Variants in PAPPA2 observed in about 807,000 individuals in gnomAD.
The protein encoded by PAPPA2 is pappalysin 2, also known as pappalysin-2.
Under a neutral mutation model 176.4 loss-of-function variants are expected in PAPPA2, and 86 were observed. The observed-to-expected ratio is 0.49, with a 90% CI of 0.41 to 0.58. PAPPA2 has a LOEUF of 0.58. Ranked by LOEUF, PAPPA2 falls within the 20% of genes least tolerant of loss-of-function variation. The probability of loss-of-function intolerance (pLI) is 0.00; values close to 1 mark genes in which losing one functional copy is unlikely to be tolerated. For missense variants in PAPPA2, 2,073 were observed against 2,256.9 expected (o/e 0.92, Z 1.65); for synonymous variants, 809 against 852.2 (o/e 0.95, Z 0.88).
chr1:176,663,616 A>G (rs1049482701), intron 3 of PAPPA2, among the ~76,000 whole-genome samples: 1 of 151,942 alleles, frequency 6.6e-6, no homozygotes. Context: ...CTTTATATTT[A>G]TATATTATTT....
chr1:176,609,781 C>T (rs1654808707), intron 3 of PAPPA2, among the ~76,000 whole-genome samples: 2 of 152,092 alleles, frequency 1.3e-5, no homozygotes, highest in South Asian at 4.1e-4. Flanking sequence ...GGCTAACTGC[C>T]CTGACTACCT....
At chr1:176,619,746 T>C (rs1655479246) in intron 3 of PAPPA2, among the ~76,000 whole-genome samples, 1 of 152,228 alleles carries the variant, frequency 6.6e-6, no homozygotes. Context: ...CTTTTTCATA[T>C]ACTTTTGAAT....
chr1:176,584,098 A>G (rs1222910793), intron 2 of PAPPA2, among the ~76,000 whole-genome samples: 1 of 152,166 alleles, frequency 6.6e-6, no homozygotes, highest in Non-Finnish European at 1.5e-5. Context: ...AATACTGGAG[A>G]ATGTTACATG....
intron 3 of PAPPA2, chr1:176,616,647 A>C: frequency 6.4e-7 from 1 of 1,569,884 alleles, no homozygotes; most frequent in South Asian, 1.1e-5. Flanking sequence ...TGCTTCACAT[A>C]CTCTTACTAT....
intron 1 of PAPPA2, among the ~76,000 whole-genome samples, chr1:176,512,123 A>G (rs938051737): frequency 1.3e-5 from 2 of 151,916 alleles, no homozygotes; most frequent in Admixed American, 1.3e-4. Flanking sequence ...ATAAGTGGCC[A>G]ATAAGCATGT....
chr1:176,553,369 C>A (rs559121650), intron 1 of PAPPA2: 1 of 110,606 alleles, frequency 9.0e-6, no homozygotes. Context: ...TGGTGTGTTG[C>A]GGGTATGGGG....
At chr1:176,502,043 G>T (rs1486838275) in intron 1 of PAPPA2, among the ~76,000 whole-genome samples, 1 of 152,144 alleles carries the variant, frequency 6.6e-6, no homozygotes, top group Non-Finnish European at 1.5e-5. Context: ...ATTAAGCCTG[G>T]AATAGCTCTT....
chr1:176,753,554 CTTTTTTTT>C (rs77817405), intron 14 of PAPPA2, among the ~76,000 whole-genome samples: 3 of 73,498 alleles, frequency 4.1e-5, no homozygotes, highest in African/African-American at 2.0e-4. Flanking sequence ...AAGGCTCCTC[CTTTTTTTT>C]TTTTTTTTTT....
chr1:176,745,673 A>G (rs1662873272), intron 14 of PAPPA2, among the ~76,000 whole-genome samples: 1 of 152,232 alleles, frequency 6.6e-6, no homozygotes, highest in Non-Finnish European at 1.5e-5. Flanking sequence ...CATTACTTTT[A>G]TGAGTGATAG....
chr1:176,576,571 C>T (rs1652657698), intron 2 of PAPPA2, among the ~76,000 whole-genome samples: 1 of 151,872 alleles, frequency 6.6e-6, no homozygotes, highest in Admixed American at 6.6e-5. Flanking sequence ...TGTATTGAGC[C>T]ACTAGATAAG....
chr1:176,779,237 C>T (rs1292943769), intron 17 of PAPPA2, among the ~76,000 whole-genome samples: 1 of 151,896 alleles, frequency 6.6e-6, no homozygotes, highest in Non-Finnish European at 1.5e-5. Flanking sequence ...GTAACTTCAC[C>T]CCCTGCTGCT....
intron 3 of PAPPA2, among the ~76,000 whole-genome samples, chr1:176,612,059 A>C (rs1243108504): frequency 6.6e-6 from 1 of 152,194 alleles, no homozygotes; most frequent in Non-Finnish European, 1.5e-5. Flanking sequence ...CAAGAATTTA[A>C]TATAAGAAAT....
At chr1:176,818,774 T>C (rs937366354) in intron 21 of PAPPA2, among the ~76,000 whole-genome samples, 22 of 152,294 alleles carry the variant, frequency 1.4e-4, no homozygotes, top group African/African-American at 5.3e-4. Flanking sequence ...TGAAGCCCTG[T>C]GGCAATTCCC....
chr1:176,581,889 T>C (rs1652990441), intron 2 of PAPPA2, among the ~76,000 whole-genome samples: 1 of 150,722 alleles, frequency 6.6e-6, no homozygotes, highest in South Asian at 2.1e-4. Flanking sequence ...GTGGAGTCTT[T>C]AGATTTTTCT....
At chr1:176,484,930 G>A (rs1432608392) in intron 1 of PAPPA2, among the ~76,000 whole-genome samples, 3 of 152,130 alleles carry the variant, frequency 2.0e-5, no homozygotes, top group African/African-American at 7.2e-5. Context: ...TTTCTATGGC[G>A]GTTTCTGCTC....
In PAPPA2 at chr1:176,476,709, G is replaced by A. The variant is rs190051180; in HGVS notation, c.-917+13291G>A. 7.2e-5 allele frequency among the ~76,000 whole-genome samples: 11 copies of A among 152,262 alleles called. No individual in the cohort carries two copies. In the East Asian group the frequency reaches 2.1e-3, roughly 29 times the overall value. On this transcript the variant is annotated intron_variant, in intron 1 of 22. Transcript: ENST00000367662. ...GCTCAACTGCCAGTTTTGGAACCAT[G>A]ACTAGGATGATTTTATCAGCATCAT... is the stretch of plus-strand genomic sequence containing the variant.
At chr1:176,503,897 G>A (rs1241893354) in intron 1 of PAPPA2, among the ~76,000 whole-genome samples, 1 of 152,114 alleles carries the variant, frequency 6.6e-6, no homozygotes, top group Non-Finnish European at 1.5e-5. Context: ...ATTAAGCTCT[G>A]TTTTATTTCT....
chr1:176,582,849 G>A (rs972555587), intron 2 of PAPPA2, among the ~76,000 whole-genome samples: 12 of 152,234 alleles, frequency 7.9e-5, no homozygotes, highest in Admixed American at 5.2e-4. Context: ...GTTATTTAAA[G>A]TTTTGTTTGA....
At chr1:176,696,638 C>G (rs1316504946) in intron 7 of PAPPA2, among the ~76,000 whole-genome samples, 2 of 152,164 alleles carry the variant, frequency 1.3e-5, no homozygotes, top group East Asian at 3.8e-4. Flanking sequence ...GATTTTAGCA[C>G]CTCCTGATGA....
Sources: allele counts gnomAD v4.1 joint callset (sites outside exome capture counted in the v4.1 genomes callset), GRCh38; gene constraint gnomAD v4.1.1; transcripts MANE v1.5; gene names NCBI Gene and HGNC (gene_info 2026-07-23, HGNC 2026-07-21).